The following NLGN4X variants were observed in gnomAD, a reference collection of about 807,000 sequenced individuals.
The protein encoded by NLGN4X is neuroligin-4, X-linked.
NLGN4X carries 3 observed loss-of-function variants against 40.3 expected under a neutral mutation model. The ratio of observed to expected loss-of-function variants is 0.07; its 90% CI spans 0.03 to 0.19. NLGN4X has a LOEUF of 0.19. NLGN4X is among the 10% of genes least tolerant of loss of function. The pLI is 1.00. For missense variants in NLGN4X, 382 were observed against 708.3 expected (o/e 0.54, Z 5.23); for synonymous variants, 270 against 306.8 (o/e 0.88, Z 1.25).
At chrX:5,968,094 C>T (rs959294072) in intron 3 of NLGN4X, among the ~76,000 whole-genome samples, 12 of 110,999 alleles carry the variant, frequency 1.1e-4, no homozygotes, top group African/African-American at 3.6e-4. Flanking sequence ...ACAAGCTAAG[C>T]GGCTGATCAA....
At chrX:6,198,100 T>C (rs1477135441) in intron 1 of NLGN4X, among the ~76,000 whole-genome samples, 2 of 110,364 alleles carry the variant, frequency 1.8e-5, no homozygotes, top group Non-Finnish European at 3.8e-5. Context: ...GGAACATTCA[T>C]ATCATTTTAA....
chrX:5,915,472 C>T (rs762295653), intron 3 of NLGN4X, among the ~76,000 whole-genome samples: 4 of 112,193 alleles, frequency 3.6e-5, no homozygotes, highest in African/African-American at 3.2e-5. Context: ...ATAATTGATA[C>T]ATGAGTTTCA....
intron 3 of NLGN4X, among the ~76,000 whole-genome samples, chrX:5,911,158 T>C (rs1366698014): frequency 2.7e-5 from 3 of 111,784 alleles, no homozygotes; most frequent in Non-Finnish European, 5.6e-5. Flanking sequence ...TTTCTTCCCC[T>C]ATTAAAGAAA....
intron 3 of NLGN4X, among the ~76,000 whole-genome samples, chrX:6,007,557 T>C (rs1219024689): frequency 8.9e-6 from 1 of 112,523 alleles, no homozygotes; most frequent in African/African-American, 3.2e-5. Context: ...AAAATAATTT[T>C]ATTTCTTAAA....
At position 6,225,681 on chromosome X, in the gene NLGN4X, C is replaced by CTTTTTT. The variant is rs1569309354; in HGVS notation, c.-306+2854_-306+2859dup. Among the ~76,000 whole-genome samples, 49 of 33,779 alleles carry CTTTTTT rather than the reference C, an allele frequency of 1.5e-3. 1 individual carries two copies. The highest frequency in any genetic ancestry group is 2.0e-3 in the Non-Finnish European group (39 of 19,946). The allele number at this position is 33,779 out of a possible 115,157, so 29.3% of individuals were successfully genotyped here. A position where few individuals can be genotyped will look rare whatever the true frequency, so the allele number is the denominator to read the frequency against. On this transcript the variant is annotated intron_variant, in intron 1 of 5. Transcript: ENST00000381095. ...CTTTTTCTTTTCCTTTTTTTTCTTTCTTTTTTTCTTTTTTTTTTTTTTTTT... is the reference window on the plus strand; with the variant it reads ...CTTTTTCTTTTCCTTTTTTTTCTTTCTTTTTTTTTTTTTCTTTTTTTTTTTTTTTTT...
intron 2 of NLGN4X, among the ~76,000 whole-genome samples, chrX:6,078,940 G>T (rs750249650): frequency 4.5e-5 from 5 of 111,458 alleles, no homozygotes; most frequent in African/African-American, 1.6e-4. Context: ...GTTCTCATGA[G>T]ATCTGATGGT....
intron 1 of NLGN4X, among the ~76,000 whole-genome samples, chrX:6,181,853 C>T (rs1921487851): frequency 1.8e-5 from 2 of 111,725 alleles, no homozygotes; most frequent in Admixed American, 1.9e-4. Context: ...TTCCTGTATT[C>T]AGGGGAATTT....
chrX:6,004,973 T>A (rs947959150), intron 3 of NLGN4X, among the ~76,000 whole-genome samples: 13 of 111,659 alleles, frequency 1.2e-4, no homozygotes, highest in African/African-American at 3.6e-4. Flanking sequence ...AGAATTTACA[T>A]GAGATATTAT....
chrX:6,176,621 G>T (rs1920956899), intron 1 of NLGN4X, among the ~76,000 whole-genome samples: 1 of 112,244 alleles, frequency 8.9e-6, no homozygotes, highest in Admixed American at 9.5e-5. Flanking sequence ...GAACCAGAAA[G>T]ATGACAGAAT....
At chrX:6,081,406 T>C (rs750560870) in intron 2 of NLGN4X, among the ~76,000 whole-genome samples, 1 of 112,639 alleles carries the variant, frequency 8.9e-6, no homozygotes, top group African/African-American at 3.2e-5. Flanking sequence ...CATGAGCCAC[T>C]ATGCCCAGTG....
At chrX:6,109,457 C>A (rs1201230853) in intron 2 of NLGN4X, among the ~76,000 whole-genome samples, 1 of 111,917 alleles carries the variant, frequency 8.9e-6, no homozygotes, top group East Asian at 2.8e-4. Flanking sequence ...TTGGGGTTAG[C>A]CATGCCATAA....
intron 2 of NLGN4X, among the ~76,000 whole-genome samples, chrX:6,047,269 G>A (rs189192467): frequency 9.0e-6 from 1 of 110,932 alleles, no homozygotes; most frequent in East Asian, 2.8e-4. Flanking sequence ...CTTGAGCCCC[G>A]GAGTTCGAGA....
At position 6,160,164 on chromosome X, in the gene NLGN4X, AC is replaced by A. The variant is rs748190639; in HGVS notation, c.-305-8394del. 2.7e-5 allele frequency among the ~76,000 whole-genome samples: 3 copies of A among 112,319 alleles called. No homozygotes were observed. In the South Asian group the frequency reaches 1.1e-3, roughly 41 times the overall value. The stretch of plus-strand genomic sequence containing the variant: ...TAAAAGCATAATTGGAAAGTCTGTA[AC>A]ACAAAGAAATGATAAATGCTTCAGG... On this transcript the variant is annotated intron_variant, in intron 1 of 5. Coordinates refer to ENST00000381095, the MANE Select transcript of NLGN4X (RefSeq NM_181332.3).
Position 5,908,532 on chromosome X carries a change from C to A in NLGN4X, c.811+522G>T, listed in dbSNP as rs1371957243. On this transcript the variant is annotated intron_variant, in intron 4 of 5. Coordinates refer to ENST00000381095, the MANE Select transcript of NLGN4X (RefSeq NM_181332.3). Reference sequence around the variant, plus strand: ...ATACAGTCAGAATGGCAAAAAAAAACAAAAGTGTCAGGACTTCTAAAGTAG... The same window carrying A: ...ATACAGTCAGAATGGCAAAAAAAAAAAAAAGTGTCAGGACTTCTAAAGTAG... Among the ~76,000 whole-genome samples the A allele has an allele frequency of 2.7e-5, 3 of 110,199 alleles. No homozygotes were observed. In the Admixed American group the frequency reaches 2.9e-4, roughly 11 times the overall value.
intron 3 of NLGN4X, among the ~76,000 whole-genome samples, chrX:5,978,799 G>A (rs1436155907): frequency 3.6e-5 from 4 of 111,345 alleles, no homozygotes; most frequent in Non-Finnish European, 7.5e-5. Flanking sequence ...CCACAGTCAA[G>A]GTGACAGAAA....
intron 2 of NLGN4X, among the ~76,000 whole-genome samples, chrX:6,085,101 C>A (rs2038463888): frequency 9.3e-6 from 1 of 108,103 alleles, no homozygotes; most frequent in Non-Finnish European, 1.9e-5. Context: ...GTGAGCCCAC[C>A]ACAAGCAGAG....
chrX:6,164,733 A>G (rs138740184), intron 1 of NLGN4X, among the ~76,000 whole-genome samples: 19 of 111,612 alleles, frequency 1.7e-4, no homozygotes, highest in African/African-American at 5.9e-4. Context: ...ACCACCTGTG[A>G]CCCCAGGACC....
intron 2 of NLGN4X, among the ~76,000 whole-genome samples, chrX:6,033,537 T>A (rs1228204695): frequency 8.9e-6 from 1 of 112,223 alleles, no homozygotes; most frequent in South Asian, 3.7e-4. Context: ...GTGTGTAAAA[T>A]AGCTATTAAA....
At chrX:6,161,588 A>C (rs2040401269) in intron 1 of NLGN4X, among the ~76,000 whole-genome samples, 3 of 106,802 alleles carry the variant, frequency 2.8e-5, no homozygotes, top group African/African-American at 1.0e-4. Flanking sequence ...AAAACATAGA[A>C]GCTTAATATT....
Sources: allele counts gnomAD v4.1 joint callset (sites outside exome capture counted in the v4.1 genomes callset), GRCh38; gene constraint gnomAD v4.1.1; transcripts MANE v1.5; gene names NCBI Gene and HGNC (gene_info 2026-07-23, HGNC 2026-07-21).